STAU2: variants seen among roughly 807,000 people sequenced by gnomAD.
STAU2 encodes the protein staufen double-stranded RNA binding protein 2, also known as double-stranded RNA-binding protein Staufen homolog 2.
STAU2 carries 20 observed loss-of-function variants against 65.9 expected under a neutral mutation model. That is an observed-to-expected ratio of 0.30 (90% CI 0.21 to 0.44). STAU2 has a LOEUF of 0.44. STAU2 is among the 20% of genes least tolerant of loss of function. The pLI is 1.00. For synonymous variants in STAU2, 232 were observed against 233.9 expected, an observed-to-expected ratio of 0.99 and a Z score of 0.07; for missense variants, 558 against 683.9, an observed-to-expected ratio of 0.82 and a Z score of 2.05.
intron 3 of STAU2, among the ~76,000 whole-genome samples, chr8:73,732,399 C>T (rs6995579): frequency 0.2 from 31,111 of 152,168 alleles, 3,555 homozygotes; most frequent in East Asian, 0.37. Flanking sequence ...AACCTCAATA[C>T]AGTGTGTATG....
chr8:73,717,636 T>C lies in STAU2; in HGVS notation c.-17-8474A>G, dbSNP rs936635356. Among the ~76,000 whole-genome samples, 56 of 150,198 alleles carry C rather than the reference T, an allele frequency of 3.7e-4. No individual in the cohort carries two copies. In the East Asian group the frequency reaches 8.9e-3, roughly 24 times the overall value. On this transcript the variant is annotated intron_variant, in intron 3 of 14. Transcript: ENST00000524300. ...TCTATTTGTCTTTTGTTGTTGTTGTTGTTGTTGTTGTTGTTGTTGTTGTTG... is the reference window on the plus strand; with the variant it reads ...TCTATTTGTCTTTTGTTGTTGTTGTCGTTGTTGTTGTTGTTGTTGTTGTTG...
At chr8:73,477,003 C>T (rs16938673) in intron 13 of STAU2, among the ~76,000 whole-genome samples, 16,697 of 152,246 alleles carry the variant, frequency 0.11, 1,246 homozygotes, top group African/African-American at 0.22. Flanking sequence ...TGAGCACCTA[C>T]TCTGGCAACT....
intron 5 of STAU2, among the ~76,000 whole-genome samples, chr8:73,676,464 AAACT>A (rs1430476625): frequency 8.5e-5 from 13 of 152,358 alleles, no homozygotes; most frequent in Admixed American, 8.5e-4. Flanking sequence ...ACTGCTTCTA[AAACT>A]AACATGAGGT....
intron 13 of STAU2, among the ~76,000 whole-genome samples, chr8:73,433,193 G>A (rs1368236226): frequency 2.0e-5 from 3 of 151,986 alleles, no homozygotes; most frequent in African/African-American, 7.3e-5. Flanking sequence ...AAATTCCTGG[G>A]TTTTGTCATT....
intron 10 of STAU2, among the ~76,000 whole-genome samples, chr8:73,602,350 A>C (rs1811696648): frequency 6.6e-6 from 1 of 152,230 alleles, no homozygotes; most frequent in Non-Finnish European, 1.5e-5. Flanking sequence ...ATTTTATCTA[A>C]GTTACATAAA....
chr8:73,651,704 C>A lies in STAU2; in HGVS notation c.410+21403G>T, dbSNP rs1419143798. On this transcript the variant is annotated intron_variant, in intron 6 of 14. Coordinates refer to ENST00000524300, the MANE Select transcript of STAU2 (RefSeq NM_001164380.2). ...CCTCTGGCGTACCACCCCCCAAAGC[C>A]CAGGAAGTGGCATGCATACGCTGGG... 1.3e-4 allele frequency: 61 copies of A among 462,096 alleles called. No homozygotes were observed. The Admixed American group carries it at 2.0e-3, about 15-fold the overall frequency. The allele number at this position is 462,096 out of a possible 1,614,324, so 28.6% of individuals were successfully genotyped here. A position where few individuals can be genotyped will look rare whatever the true frequency, so the allele number is the denominator to read the frequency against.
intron 11 of STAU2, among the ~76,000 whole-genome samples, chr8:73,583,512 G>A (rs1810144589): frequency 6.6e-6 from 1 of 152,014 alleles, no homozygotes; most frequent in Non-Finnish European, 1.5e-5. Flanking sequence ...GACCAAAAGA[G>A]CTTTTGTATG....
chr8:73,627,115 T>C (rs1175361545), intron 6 of STAU2, among the ~76,000 whole-genome samples: 1 of 150,362 alleles, frequency 6.7e-6, no homozygotes, highest in East Asian at 2.0e-4. Flanking sequence ...TGCCACTGTG[T>C]TCCCCTGGGT....
intron 4 of STAU2, among the ~76,000 whole-genome samples, chr8:73,703,188 T>A (rs938954093): frequency 6.6e-6 from 1 of 152,146 alleles, no homozygotes; most frequent in East Asian, 1.9e-4. Context: ...GGGGGTGGAT[T>A]TCTCATGAAT....
At chr8:73,629,610 T>C (rs1813940763) in intron 6 of STAU2, among the ~76,000 whole-genome samples, 1 of 152,212 alleles carries the variant, frequency 6.6e-6, no homozygotes. Flanking sequence ...TTTTAGGCAA[T>C]GCAAATAGTC....
intron 13 of STAU2, among the ~76,000 whole-genome samples, chr8:73,487,539 A>T (rs1332776170): frequency 6.6e-6 from 1 of 152,074 alleles, no homozygotes; most frequent in Non-Finnish European, 1.5e-5. Flanking sequence ...AAAGAGGGTG[A>T]TAGGAGATCT....
At chr8:73,610,383 C>T (rs571292121) in intron 9 of STAU2, among the ~76,000 whole-genome samples, 1 of 151,746 alleles carries the variant, frequency 6.6e-6, no homozygotes, top group African/African-American at 2.4e-5. Context: ...CCAAAAAATA[C>T]CAAAATTAGC....
chr8:73,502,081 AT>A lies in STAU2; in HGVS notation c.1530+49930del, dbSNP rs576961516. ...GTGGAAAACATTTTCTTAAAATTGG[AT>A]TTTTTTTATGGCTAATAATTGGGCA... On this transcript the variant is annotated intron_variant, in intron 13 of 14. Transcript: ENST00000524300. Among the ~76,000 whole-genome samples, 121 of 151,904 alleles carry A rather than the reference AT, an allele frequency of 8.0e-4. 1 individual carries two copies. In the South Asian group the frequency reaches 0.022, roughly 28 times the overall value.
chr8:73,475,884 G>T (rs1196993910), intron 13 of STAU2, among the ~76,000 whole-genome samples: 1 of 152,082 alleles, frequency 6.6e-6, no homozygotes, highest in East Asian at 1.9e-4. Flanking sequence ...CCACATTATT[G>T]TTGATTCACA....
intron 1 of STAU2, among the ~76,000 whole-genome samples, chr8:73,740,516 G>A (rs1806775836): frequency 2.0e-5 from 3 of 152,116 alleles, no homozygotes; most frequent in Admixed American, 1.3e-4. Flanking sequence ...TGTAGCATTA[G>A]TCACATGGTG....
At chr8:73,688,940 T>C in intron 4 of STAU2, 127 bp from the exon 5 acceptor site, 2 of 1,066,912 alleles carry the variant, frequency 1.9e-6, no homozygotes, top group Non-Finnish European at 2.7e-6. Context: ...TACCTACAGA[T>C]CATCTGCAAC....
intron 13 of STAU2, among the ~76,000 whole-genome samples, chr8:73,508,311 T>C (rs1379398772): frequency 6.6e-6 from 1 of 152,178 alleles, no homozygotes; most frequent in Non-Finnish European, 1.5e-5. Context: ...TGTAGGGTTA[T>C]TAATTGGCCT....
chr8:73,585,375 G>C (rs1287645952), intron 11 of STAU2, among the ~76,000 whole-genome samples: 1 of 152,202 alleles, frequency 6.6e-6, no homozygotes, highest in East Asian at 1.9e-4. Context: ...AGATACTCAG[G>C]AGGCTGAGGC....
At chr8:73,527,167 C>T (rs890518235) in intron 13 of STAU2, among the ~76,000 whole-genome samples, 1 of 152,216 alleles carries the variant, frequency 6.6e-6, no homozygotes, top group Non-Finnish European at 1.5e-5. Context: ...GGCTCTACCA[C>T]ATAGCCTAGG....
Sources: gnomAD v4.1 joint callset for allele counts (sites outside exome capture counted in the v4.1 genomes callset) on GRCh38, gnomAD v4.1.1 for gene constraint, MANE v1.5 for transcripts, NCBI Gene and HGNC (gene_info 2026-07-23, HGNC 2026-07-21) for gene names.